ANKRD2: variants seen among roughly 807,000 people sequenced by gnomAD.
ANKRD2 encodes ankyrin repeat domain-containing protein 2.
In ANKRD2, 35 loss-of-function variants were observed where a neutral mutation model predicts 37.3. The ratio of observed to expected loss-of-function variants is 0.94; its 90% confidence interval spans 0.72 to 1.24. The LOEUF (loss-of-function observed/expected upper bound fraction) is 1.24. Ranked by LOEUF, ANKRD2 falls within the 50% of genes most tolerant of loss-of-function variation. The probability of loss-of-function intolerance (pLI) is 0.00; values close to 1 mark genes in which losing one functional copy is unlikely to be tolerated. For missense variants in ANKRD2, 410 were observed against 445.6 expected, an observed-to-expected ratio of 0.92 and a Z score of 0.72; for synonymous variants, 159 against 186.5, an observed-to-expected ratio of 0.85 and a Z score of 1.20.
intron 4 of ANKRD2, among the ~76,000 whole-genome samples, chr10:97,580,521 T>A (rs2040883840): frequency 6.6e-6 from 1 of 152,126 alleles, no homozygotes; most frequent in South Asian, 2.1e-4. Context: ...AAGGAAATGA[T>A]GGCATTTGAG....
rs2135701392 is a variant in ANKRD2 at position 97,577,783 on chromosome 10, C to T, written c.88-17C>T. ...TCTCCTCGGGTCCTGGAGAAGGTGC[C>T]CTCTTTGGATCACCAGAAACTCCGA... is the stretch of plus-strand genomic sequence containing the variant. On this transcript the variant is annotated splice_polypyrimidine_tract_variant and intron_variant, in intron 1 of 8. Transcript: ENST00000370655. 1 of 1,543,952 alleles carries T rather than the reference C, an allele frequency of 6.5e-7. No individual in the cohort carries two copies. Among genetic ancestry groups the T allele is most frequent in the Non-Finnish European group, 8.8e-7 (1 of 1,142,326 alleles).
intron 1 of ANKRD2, among the ~76,000 whole-genome samples, chr10:97,574,231 C>T (rs1281518420): frequency 2.6e-5 from 4 of 151,382 alleles, no homozygotes; most frequent in Non-Finnish European, 4.4e-5. Context: ...TGCAGTAAGC[C>T]GAGATCGCAC....
At chr10:97,582,258 CA>C in intron 6 of ANKRD2, 56 bp from the exon 7 acceptor site, 1 of 1,455,520 alleles carries the variant, frequency 6.9e-7, no homozygotes, top group South Asian at 1.2e-5. Flanking sequence ...CCCGCCTTCC[CA>C]GGGGTACCAC....
chr10:97,572,988 C>A, intron 1 of ANKRD2, 113 bp downstream of exon 1: 1 of 1,388,516 alleles, frequency 7.2e-7, no homozygotes, highest in Non-Finnish European at 9.6e-7. Context: ...CAGATGTCCC[C>A]AGGGGCCCAG....
chr10:97,578,653 C>T (rs1178780339), intron 4 of ANKRD2, 48 bp downstream of exon 4: 2 of 1,426,448 alleles, frequency 1.4e-6, no homozygotes, highest in East Asian at 5.0e-5. Flanking sequence ...AGTTGCCACC[C>T]CCACTCCGTT....
rs1418638533 is a variant in ANKRD2 at position 97,582,588 on chromosome 10, G to A, written c.754-16G>A. ...ACTGCCCACAAGGGCCATAGTGAGT[G>A]CCACACTGACTCTAGGAAGGGGATA... On this transcript the variant is annotated splice_polypyrimidine_tract_variant and intron_variant, in intron 7 of 8. Transcript: ENST00000370655. The A allele has an allele frequency of 1.9e-6, 3 of 1,612,294 alleles. No individual in the cohort carries two copies. Among genetic ancestry groups the A allele is most frequent in the Non-Finnish European group, 2.5e-6 (3 of 1,178,632 alleles).
rs114572464 is a variant in ANKRD2, at chr10:97,574,850, G to A, written c.87+1975G>A. On this transcript the variant is annotated intron_variant, in intron 1 of 8. Coordinates refer to ENST00000370655, the MANE Select transcript of ANKRD2 (RefSeq NM_001346793.2). ...CAAGGGCATGTGCCTATGGTTGGCTGGTGCCAGGCAGGTGAGTCATGCTGC... is the reference window on the plus strand; with the variant it reads ...CAAGGGCATGTGCCTATGGTTGGCTAGTGCCAGGCAGGTGAGTCATGCTGC... Among the ~76,000 whole-genome samples the A allele has an allele frequency of 6.0e-3, 903 of 151,542 alleles. 7 individuals carry two copies. Among genetic ancestry groups the A allele is most frequent in the African/African-American group, 0.019 (795 of 40,798 alleles).
In ANKRD2 at chr10:97,581,745, G is replaced by A. The variant is rs1029219395; in HGVS notation, c.654+331G>A. ...TCATGTTATCTGTCATTATCCTTCT[G>A]TCTACCTATCTATTCATCTATCCGT... On this transcript the variant is annotated intron_variant, in intron 6 of 8. Transcript: ENST00000370655. Among the ~76,000 whole-genome samples, 4 of 152,174 alleles carry A rather than the reference G, an allele frequency of 2.6e-5. No homozygotes were observed. The South Asian group carries it at 8.3e-4, about 31-fold the overall frequency.
Position 97,583,828 on chromosome 10 carries a change from G to T in ANKRD2, c.*103G>T, listed in dbSNP as rs1182866073. 7.5e-7 allele frequency: 1 copy of T among 1,328,292 alleles called. No homozygotes were observed. The allele number at this position is 1,328,292 out of a possible 1,614,324, so 82.3% of individuals were successfully genotyped here. ...TAACTGAGGGCCCAGCCTTTTTTCT[G>T]CATGATCCAGGAGCACATACCACAA... On this transcript the variant is annotated 3_prime_UTR_variant, in exon 9 of 9. Coordinates refer to ENST00000370655, the MANE Select transcript of ANKRD2 (RefSeq NM_001346793.2).
chr10:97,572,443 C>T (rs1306685326), upstream of ANKRD2: 4 of 498,040 alleles, frequency 8.0e-6, no homozygotes, highest in Non-Finnish European at 1.4e-5. Flanking sequence ...GTCATCTGGG[C>T]TGGAGCATGC....
intron 1 of ANKRD2, among the ~76,000 whole-genome samples, chr10:97,576,667 A>AC (rs1564749292): frequency 9.2e-6 from 1 of 109,032 alleles, no homozygotes; most frequent in Non-Finnish European, 2.0e-5. Flanking sequence ...TTTAAAACTT[A>AC]TTTTATTTAT....
At chr10:97,575,324 A>C (rs1014460113) in intron 1 of ANKRD2, among the ~76,000 whole-genome samples, 4 of 152,170 alleles carry the variant, frequency 2.6e-5, no homozygotes, top group Non-Finnish European at 5.9e-5. Flanking sequence ...CAGGGGCTGG[A>C]GTTCCACTGT....
intron 8 of ANKRD2, 133 bp downstream of exon 8, chr10:97,582,835 C>CT: frequency 1.4e-6 from 1 of 722,740 alleles, no homozygotes; most frequent in Non-Finnish European, 2.4e-6. Flanking sequence ...AGTACATAAA[C>CT]TTGTCCTCTT....
In ANKRD2 at chr10:97,578,409, T is replaced by G; in HGVS notation, c.348+11T>G. Reference sequence around the variant, plus strand: ...GAGCCCGAGGAGATCGTAAGGGTCCTGGGGAGGACACCGCGAGGGGGCGGA... The same window carrying G: ...GAGCCCGAGGAGATCGTAAGGGTCCGGGGGAGGACACCGCGAGGGGGCGGA... On this transcript the variant is annotated intron_variant, in intron 3 of 8. Coordinates refer to ENST00000370655, the MANE Select transcript of ANKRD2 (RefSeq NM_001346793.2). The G allele has an allele frequency of 9.3e-6, 15 of 1,613,496 alleles. No individual in the cohort carries two copies. Among genetic ancestry groups the G allele is most frequent in the Non-Finnish European group, 1.1e-5 (13 of 1,179,726 alleles).
rs961343580 is a variant in ANKRD2, at chr10:97,578,364, C to T, written c.314C>T (p.Ala105Val). 1.9e-6 allele frequency: 3 copies of T among 1,613,696 alleles called. No individual in the cohort carries two copies. The highest frequency in any genetic ancestry group is 2.7e-5 in the African/African-American group (2 of 74,900). Residue 105 changes from alanine to valine, a missense_variant, in exon 3 of 9, where the codon GCC becomes GTC. Coordinates refer to ENST00000370655, the MANE Select transcript of ANKRD2 (RefSeq NM_001346793.2). ...CAGAAGAAGCGGGACGCTCTGGCCGCCTCGCATGAGCCGCCCCCAGAGCCC... is the reference window on the plus strand; with the variant it reads ...CAGAAGAAGCGGGACGCTCTGGCCGTCTCGCATGAGCCGCCCCCAGAGCCC... ...RKQKKRDALA[A>V]SHEPPPEPEE...
chr10:97,580,776 G>A, intron 4 of ANKRD2, 79 bp from the exon 5 acceptor site: 1 of 1,067,684 alleles, frequency 9.4e-7, no homozygotes, highest in Non-Finnish European at 1.4e-6. Context: ...TGGGGGGAAG[G>A]CCTGGGCCTC....
At chr10:97,572,465 C>G (rs981748164), upstream of ANKRD2, 4 of 526,302 alleles carry the variant, frequency 7.6e-6, no homozygotes, top group Admixed American at 9.6e-5. Context: ...GCCAGCAGTT[C>G]CCTTTTGCAA....
intron 7 of ANKRD2, 84 bp downstream of exon 7, chr10:97,582,497 G>A: frequency 1.3e-6 from 2 of 1,564,394 alleles, no homozygotes; most frequent in Non-Finnish European, 8.8e-7. Flanking sequence ...CTTCCTCCTG[G>A]GGCCTTCAGG....
intron 3 of ANKRD2, 22 bp downstream of exon 3, chr10:97,578,420 C>T: frequency 1.2e-6 from 2 of 1,612,888 alleles, no homozygotes; most frequent in African/African-American, 2.7e-5. Context: ...GGGGAGGACA[C>T]CGCGAGGGGG....
Sources: allele counts gnomAD v4.1 joint callset (sites outside exome capture counted in the v4.1 genomes callset), GRCh38; gene constraint gnomAD v4.1.1; transcripts MANE v1.5; gene names NCBI Gene and HGNC (gene_info 2026-07-23, HGNC 2026-07-21).